The following ADGRB3 variants were observed in gnomAD, a reference collection of about 807,000 sequenced individuals.
The protein encoded by ADGRB3 is adhesion G protein-coupled receptor B3.
A neutral mutation model predicts 193.4 loss-of-function variants in ADGRB3; 37 were observed. That is an observed-to-expected ratio of 0.19 (90% CI 0.15 to 0.25). The LOEUF (loss-of-function observed/expected upper bound fraction) is 0.25. Ranked by LOEUF, ADGRB3 falls within the 10% of genes least tolerant of loss-of-function variation. The pLI, the probability that ADGRB3 is intolerant of heterozygous loss-of-function variation, is 1.00. For missense variants in ADGRB3, 1,637 were observed against 1,852.9 expected (o/e 0.88, Z 2.14); for synonymous variants, 690 against 644.2 (o/e 1.07, Z -1.08).
chr6:68,961,206 G>T (rs1198906313), intron 8 of ADGRB3, among the ~76,000 whole-genome samples: 2 of 152,100 alleles, frequency 1.3e-5, no homozygotes, highest in East Asian at 3.9e-4. Context: ...TGTGCACAAA[G>T]AAAGATGGTT....
chr6:68,890,694 A>G (rs1766049757), intron 3 of ADGRB3, among the ~76,000 whole-genome samples: 1 of 152,204 alleles, frequency 6.6e-6, no homozygotes, highest in Non-Finnish European at 1.5e-5. Flanking sequence ...CTCAAAAAAC[A>G]AATACATAAA....
At chr6:68,964,828 A>G (rs952687938) in intron 8 of ADGRB3, among the ~76,000 whole-genome samples, 2 of 152,190 alleles carry the variant, frequency 1.3e-5, no homozygotes, top group Admixed American at 1.3e-4. Context: ...TTGAAAGTTC[A>G]TGGTTTGCTA....
At chr6:69,174,537 G>C (rs1174112051) in intron 17 of ADGRB3, among the ~76,000 whole-genome samples, 1 of 152,284 alleles carries the variant, frequency 6.6e-6, no homozygotes, top group East Asian at 1.9e-4. Flanking sequence ...CTTTGCTATT[G>C]TAAATAGTGC....
At chr6:69,388,676 G>T in intron 31 of ADGRB3, 27 bp from the exon 32 acceptor site, 3 of 1,594,624 alleles carry the variant, frequency 1.9e-6, no homozygotes, top group East Asian at 4.5e-5. Flanking sequence ...TCACATAAAT[G>T]ACTCTCTTTC....
chr6:68,940,637 C>T (rs1472882965), intron 5 of ADGRB3, among the ~76,000 whole-genome samples: 4 of 140,440 alleles, frequency 2.8e-5, no homozygotes, highest in Non-Finnish European at 4.6e-5. Flanking sequence ...CGGTGGCTCA[C>T]GCCTGTAATC....
chr6:69,336,343 T>C (rs933176624), intron 24 of ADGRB3, among the ~76,000 whole-genome samples: 2 of 151,976 alleles, frequency 1.3e-5, no homozygotes, highest in African/African-American at 4.8e-5. Context: ...GCCTTAAACG[T>C]CTTTGTCTTA....
rs138207741 is a variant in ADGRB3 at position 69,003,653 on chromosome 6, G to A, written c.1929+9691G>A. Among the ~76,000 whole-genome samples the A allele has an allele frequency of 1.8e-3, 273 of 152,180 alleles. 2 individuals are homozygous for A. Among genetic ancestry groups the A allele is most frequent in the Non-Finnish European group, 2.2e-3 (152 of 68,004 alleles). ...TGGTATAGAAAGCCTAACATAACTA[G>A]CATCACTTCCTAGATAATATTTAAA... is the stretch of plus-strand genomic sequence containing the variant. On this transcript the variant is annotated intron_variant, in intron 11 of 31. Coordinates refer to ENST00000370598, the MANE Select transcript of ADGRB3 (RefSeq NM_001704.3).
intron 17 of ADGRB3, among the ~76,000 whole-genome samples, chr6:69,083,870 G>A (rs796350493): frequency 1.9e-4 from 28 of 149,600 alleles, no homozygotes; most frequent in African/African-American, 6.4e-4. Flanking sequence ...TGCCTTCCAG[G>A]TTCCAGCGAT....
chr6:69,190,679 G>A (rs2880652), intron 17 of ADGRB3, among the ~76,000 whole-genome samples: 29,979 of 151,954 alleles, frequency 0.2, 3,310 homozygotes, highest in African/African-American at 0.3. Context: ...GGTGTTCTAG[G>A]CCTTCACATT....
chr6:68,890,261 G>A (rs1766034927), intron 3 of ADGRB3, among the ~76,000 whole-genome samples: 1 of 152,130 alleles, frequency 6.6e-6, no homozygotes, highest in African/African-American at 2.4e-5. Flanking sequence ...TTACAGGTAA[G>A]TACAATCACT....
intron 3 of ADGRB3, among the ~76,000 whole-genome samples, chr6:68,833,545 A>C (rs191167955): frequency 5.0e-4 from 75 of 149,408 alleles, no homozygotes; most frequent in African/African-American, 1.8e-3. Context: ...CAATTTCCTT[A>C]TTGTTTTAAC....
At chr6:69,075,240 C>T (rs1463209070) in intron 16 of ADGRB3, among the ~76,000 whole-genome samples, 1 of 152,098 alleles carries the variant, frequency 6.6e-6, no homozygotes, top group Non-Finnish European at 1.5e-5. Context: ...TTGAAACCAA[C>T]AGTATATGTT....
intron 24 of ADGRB3, among the ~76,000 whole-genome samples, 193 bp downstream of exon 24, chr6:69,333,201 T>G (rs890923819): frequency 6.6e-6 from 1 of 152,210 alleles, no homozygotes; most frequent in Non-Finnish European, 1.5e-5. Context: ...CTAAAACTAC[T>G]ATAACAGACC....
At chr6:69,197,654 T>C (rs1765329924) in intron 17 of ADGRB3, among the ~76,000 whole-genome samples, 1 of 152,076 alleles carries the variant, frequency 6.6e-6, no homozygotes, top group Non-Finnish European at 1.5e-5. Context: ...CTGTCATCTA[T>C]TTCTTGTTCC....
At chr6:68,824,608 A>G (rs531426424) in intron 3 of ADGRB3, among the ~76,000 whole-genome samples, 49 of 148,214 alleles carry the variant, frequency 3.3e-4, no homozygotes, top group African/African-American at 1.2e-3. Flanking sequence ...ATGCAATATT[A>G]TATATCATAA....
rs1773474341 is a variant in ADGRB3, at chr6:69,114,713, T to G, written c.2480+38675T>G. On this transcript the variant is annotated intron_variant, in intron 17 of 31. Transcript: ENST00000370598. Reference sequence around the variant, plus strand: ...AAGTTGTAAGGGAAGGGGTCCAGTTTCAGTTTTATGCATATGACTAGCCAG... The same window carrying G: ...AAGTTGTAAGGGAAGGGGTCCAGTTGCAGTTTTATGCATATGACTAGCCAG... 2.6e-5 allele frequency among the ~76,000 whole-genome samples: 4 copies of G among 152,196 alleles called. No homozygotes were observed. In the South Asian group the frequency reaches 6.2e-4, roughly 24 times the overall value.
intron 17 of ADGRB3, among the ~76,000 whole-genome samples, chr6:69,107,944 G>A (rs1773258338): frequency 6.6e-6 from 1 of 151,626 alleles, no homozygotes; most frequent in Admixed American, 6.6e-5. Flanking sequence ...TGAGGACTGC[G>A]CTCAGTACCT....
intron 15 of ADGRB3, among the ~76,000 whole-genome samples, chr6:69,051,116 T>C (rs1484259869): frequency 6.6e-6 from 1 of 152,146 alleles, no homozygotes; most frequent in Non-Finnish European, 1.5e-5. Flanking sequence ...AATTAGTGTT[T>C]CAACTTAAAA....
At chr6:68,999,453 A>G (rs933376576) in intron 11 of ADGRB3, among the ~76,000 whole-genome samples, 2 of 151,904 alleles carry the variant, frequency 1.3e-5, no homozygotes, top group African/African-American at 4.8e-5. Context: ...TTTAGTAGAG[A>G]TGGGGTTTCA....
Sources: gnomAD v4.1 joint callset for allele counts (sites outside exome capture counted in the v4.1 genomes callset) on GRCh38, gnomAD v4.1.1 for gene constraint, MANE v1.5 for transcripts, NCBI Gene and HGNC (gene_info 2026-07-23, HGNC 2026-07-21) for gene names.